Variants in CEP290 observed in about 807,000 individuals in gnomAD.
CEP290 encodes centrosomal protein 290, also known as centrosomal protein of 290 kDa.
In CEP290, 317 loss-of-function variants were observed where a neutral mutation model predicts 344.9. The ratio of observed to expected loss-of-function variants is 0.92; its 90% CI spans 0.84 to 1.01. The LOEUF (loss-of-function observed/expected upper bound fraction) is 1.01, where lower values mean the gene tolerates loss of function less well. Ranked by LOEUF, CEP290 falls within the 50% of genes least tolerant of loss-of-function variation. The pLI is 0.00. For synonymous variants in CEP290, 932 were observed against 895.8 expected (o/e 1.04, Z -0.72); for missense variants, 2,754 against 2,761.4 (o/e 1.00, Z 0.06).
intron 41 of CEP290, among the ~76,000 whole-genome samples, chr12:88,073,303 C>T (rs897018535): frequency 2.6e-5 from 4 of 152,124 alleles, no homozygotes; most frequent in African/African-American, 9.7e-5. Flanking sequence ...AATGGCAATA[C>T]CATCATGACC....
chr12:88,130,339 C>A lies in CEP290; in HGVS notation c.598G>T (p.Glu200Ter). 6.2e-7 allele frequency: 1 copy of A among 1,609,912 alleles called. No individual in the cohort carries two copies. The highest frequency in any genetic ancestry group is 8.5e-7 in the Non-Finnish European group (1 of 1,178,310). ...QKETLLSRRG[E>*]DSDYRSQLSK... ...AACTGTGATCGGTAGTCACTGTCTT[C>A]CCCTCTTCTTGATAAAAGTGTTTCT... The change falls in exon 9 of 54, where the codon GAA becomes TAA. Residue 200 changes from glutamate (E) to a stop codon, truncating the protein, a stop_gained. Transcript: ENST00000552810. LOFTEE classifies it high-confidence loss of function.
chr12:88,082,789 G>T (rs1299089087), intron 37 of CEP290, among the ~76,000 whole-genome samples: 1 of 152,188 alleles, frequency 6.6e-6, no homozygotes, highest in Non-Finnish European at 1.5e-5. Context: ...GAGTCAGACT[G>T]ACTAGTTTCA....
intron 41 of CEP290, among the ~76,000 whole-genome samples, chr12:88,075,444 G>A (rs2035692698): frequency 6.6e-6 from 1 of 151,768 alleles, no homozygotes; most frequent in South Asian, 2.1e-4. Context: ...AACAAATACT[G>A]AGCATCTACT....
intron 38 of CEP290, 24 bp downstream of exon 38, chr12:88,080,158 T>A: frequency 6.7e-7 from 1 of 1,495,716 alleles, no homozygotes; most frequent in Non-Finnish European, 9.1e-7. Flanking sequence ...TCCTAAATGT[T>A]GATAATTTTC....
At chr12:88,067,264 T>C (rs1419277597) in intron 44 of CEP290, among the ~76,000 whole-genome samples, 1 of 152,100 alleles carries the variant, frequency 6.6e-6, no homozygotes, top group African/African-American at 2.4e-5. Flanking sequence ...CTAATTTTTG[T>C]AGGAACTAAT....
At position 88,066,424 on chromosome 12, in the gene CEP290, C is replaced by T. The variant is rs1234800710; in HGVS notation, c.6135+2098G>A. ...AAGTGATCTGCCCACCTCTGCCTCC[C>T]GAGTAGCTAGGACTACAGGTGTGCA... On this transcript the variant is annotated intron_variant, in intron 44 of 53. Coordinates refer to ENST00000552810, the MANE Select transcript of CEP290 (RefSeq NM_025114.4). Among the ~76,000 whole-genome samples, 4 of 151,646 alleles carry T rather than the reference C, an allele frequency of 2.6e-5. No individual in the cohort carries two copies. In the East Asian group the frequency reaches 7.7e-4, roughly 29 times the overall value.
intron 41 of CEP290, among the ~76,000 whole-genome samples, chr12:88,076,621 G>GTTGA (rs79252345): frequency 0.88 from 133,686 of 151,734 alleles, 59,765 homozygotes; most frequent in East Asian, 0.99. Context: ...TTTTTTTGGG[G>GTTGA]TTATTTCAAT....
At chr12:88,111,131 GAAAC>G in intron 22 of CEP290, 67 bp downstream of exon 22, 1 of 855,990 alleles carries the variant, frequency 1.2e-6, no homozygotes, top group East Asian at 3.3e-5. Context: ...AAAACATAAA[GAAAC>G]ATACTACCAA....
chr12:88,136,550 A>G, intron 6 of CEP290, 93 bp downstream of exon 6: 1 of 1,248,400 alleles, frequency 8.0e-7, no homozygotes, highest in Non-Finnish European at 1.2e-6. Flanking sequence ...TTCAAATATA[A>G]CATACAATAT....
At chr12:88,141,094 A>G (rs940968817) in intron 2 of CEP290, 61 bp from the exon 3 acceptor site, 8 of 1,364,482 alleles carry the variant, frequency 5.9e-6, no homozygotes, top group Non-Finnish European at 3.9e-6. Context: ...ATATAAGAAC[A>G]CTTCCAGATT....
Position 88,092,496 on chromosome 12 carries a change from T to C in CEP290, c.3461+185A>G, listed in dbSNP as rs189604200. Among the ~76,000 whole-genome samples the C allele has an allele frequency of 3.7e-4, 56 of 152,300 alleles. 1 individual carries two copies. The highest frequency in any genetic ancestry group is 1.3e-3 in the African/African-American group (56 of 41,570). ...AGAGGTCACTTCCTCTTTAACAATA[T>C]TATTCTCGTCAATATTATTATTTAA... On this transcript the variant is annotated intron_variant, in intron 29 of 53. Coordinates refer to ENST00000552810, the MANE Select transcript of CEP290 (RefSeq NM_025114.4).
chr12:88,140,948 A>T lies in CEP290; in HGVS notation c.180+8T>A, dbSNP rs750648438. On this transcript the variant is annotated splice_region_variant and intron_variant, in intron 3 of 53. Transcript: ENST00000552810. The stretch of plus-strand genomic sequence containing the variant: ...CAAACCTATAGTTAAAACCTACTAC[A>T]TACAAACCTTCATTAGTGACTGAGT... 7 of 1,572,162 alleles carry T rather than the reference A, an allele frequency of 4.5e-6. No individual in the cohort carries two copies. Among genetic ancestry groups the T allele is most frequent in the Non-Finnish European group, 6.0e-6 (7 of 1,161,034 alleles).
Position 88,091,884 on chromosome 12 carries a change from G to A in CEP290, c.3461+797C>T, listed in dbSNP as rs548237291. Among the ~76,000 whole-genome samples, 4 of 152,132 alleles carry A rather than the reference G, an allele frequency of 2.6e-5. No individual in the cohort carries two copies. The South Asian group carries it at 8.3e-4, about 32-fold the overall frequency. On this transcript the variant is annotated intron_variant, in intron 29 of 53. Coordinates refer to ENST00000552810, the MANE Select transcript of CEP290 (RefSeq NM_025114.4). Reference sequence around the variant, plus strand: ...AAAGAGAATGAAAATACAGCATATAGCTGGCACACGGTTTTTTTGTTTTGT... The same window carrying A: ...AAAGAGAATGAAAATACAGCATATAACTGGCACACGGTTTTTTTGTTTTGT...
At chr12:88,068,703 C>T in intron 43 of CEP290, 58 bp from the exon 44 acceptor site, 1 of 1,508,906 alleles carries the variant, frequency 6.6e-7, no homozygotes, top group Non-Finnish European at 8.8e-7. Context: ...TTCTGTTGTA[C>T]TATATAAAAA....
chr12:88,064,335 C>A (rs186382480), intron 44 of CEP290, among the ~76,000 whole-genome samples: 32 of 152,142 alleles, frequency 2.1e-4, no homozygotes, highest in African/African-American at 7.5e-4. Context: ...GGAAGCAAAG[C>A]AAGTATGACT....
intron 32 of CEP290, among the ~76,000 whole-genome samples, 174 bp downstream of exon 32, chr12:88,087,606 G>C (rs958650242): frequency 6.6e-6 from 1 of 151,048 alleles, no homozygotes; most frequent in African/African-American, 2.4e-5. Context: ...TGTAGTCCCA[G>C]CTACTTGGGA....
chr12:88,077,399 A>G, intron 40 of CEP290, 55 bp from the exon 41 acceptor site: 1 of 1,177,088 alleles, frequency 8.5e-7, no homozygotes, highest in Non-Finnish European at 1.2e-6. Context: ...AACAAAATAG[A>G]CAGTAAATAT....
At chr12:88,115,994 T>C in intron 18 of CEP290, 2 of 985,218 alleles carry the variant, frequency 2.0e-6, no homozygotes, top group Non-Finnish European at 2.4e-6. Context: ...CTTCTTCTAA[T>C]GTTGCTACTT....
intron 6 of CEP290, among the ~76,000 whole-genome samples, chr12:88,133,518 CAT>C (rs1363360138): frequency 2.6e-5 from 4 of 152,056 alleles, no homozygotes; most frequent in Non-Finnish European, 5.9e-5. Flanking sequence ...CTGCAATGAA[CAT>C]ATGTGTGCAA....
Sources: allele counts gnomAD v4.1 joint callset (sites outside exome capture counted in the v4.1 genomes callset), GRCh38; gene constraint gnomAD v4.1.1; transcripts MANE v1.5; gene names NCBI Gene and HGNC (gene_info 2026-07-23, HGNC 2026-07-21).